The following BLOC1S3 variants were observed in gnomAD, a reference collection of about 807,000 sequenced individuals.
BLOC1S3 encodes the protein biogenesis of lysosome-related organelles complex 1 subunit 3.
A neutral mutation model predicts 9.1 loss-of-function variants in BLOC1S3; 7 were observed. The ratio of observed to expected loss-of-function variants is 0.77; its 90% CI spans 0.44 to 1.45. The LOEUF (loss-of-function observed/expected upper bound fraction) is 1.45. Ranked by LOEUF, BLOC1S3 falls within the 40% of genes most tolerant of loss-of-function variation. The probability of loss-of-function intolerance (pLI) is 0.01; values close to 1 mark genes in which losing one functional copy is unlikely to be tolerated. For missense variants in BLOC1S3, 307 were observed against 315.2 expected (o/e 0.97, Z 0.20); for synonymous variants, 145 against 158.4 (o/e 0.92, Z 0.64).
intron 3 of BLOC1S3, among the ~76,000 whole-genome samples, chr19:45,202,904 G>A (rs1213150978): frequency 2.0e-5 from 3 of 152,060 alleles, no homozygotes; most frequent in South Asian, 2.1e-4. Context: ...TCAAGGCAGC[G>A]GCTTCCCTTC....
At chr19:45,215,685 G>C (rs1045749835) in intron 3 of BLOC1S3, among the ~76,000 whole-genome samples, 2 of 152,156 alleles carry the variant, frequency 1.3e-5, no homozygotes, top group South Asian at 4.1e-4. Context: ...TACAAAGGAA[G>C]TGACCTGGCA....
Position 45,207,226 on chromosome 19 carries a change from G to A in BLOC1S3, n.282+4719G>A, listed in dbSNP as rs180701077. Among the ~76,000 whole-genome samples the A allele has an allele frequency of 2.6e-5, 4 of 151,306 alleles. 1 individual carries two copies. The highest frequency in any genetic ancestry group is 9.7e-5 in the African/African-American group (4 of 41,164). On this transcript the variant is annotated intron_variant and non_coding_transcript_variant, in intron 3 of 3. Transcript: ENST00000591569. ...CGGCTTAGTGCAATCTCTGCCTCCC[G>A]GGTTCAAGTGATTTTCCTGCCTCAG...
intron 2 of BLOC1S3, among the ~76,000 whole-genome samples, chr19:45,198,336 C>G (rs1038985617): frequency 1.3e-5 from 2 of 152,064 alleles, no homozygotes; most frequent in Non-Finnish European, 2.9e-5. Context: ...GTTGCCCAGG[C>G]TCTGGAGTGC....
At chr19:45,193,112 A>G (rs1057119188) in intron 2 of BLOC1S3, among the ~76,000 whole-genome samples, 4 of 143,988 alleles carry the variant, frequency 2.8e-5, no homozygotes, top group Admixed American at 7.0e-5. Context: ...AGCCTGGGCA[A>G]CAAGAGCAAA....
rs1412296796 is a variant in BLOC1S3, at chr19:45,207,579, A to AC, written n.282+5072_282+5073insC. Among the ~76,000 whole-genome samples, 993 of 149,020 alleles carry AC rather than the reference A, an allele frequency of 6.7e-3. 8 individuals are homozygous for AC. The highest frequency in any genetic ancestry group is 0.012 in the Non-Finnish European group (792 of 66,506). ...TCAAAAAAAAAAAAAAAAAAAAAAA[A>AC]AAAAAAACCTAGCTGGGCGTGGTAG... On this transcript the variant is annotated intron_variant and non_coding_transcript_variant, in intron 3 of 3. Coordinates refer to the BLOC1S3 transcript ENST00000591569.
At chr19:45,211,342 C>G (rs894876284) in intron 3 of BLOC1S3, among the ~76,000 whole-genome samples, 2 of 151,496 alleles carry the variant, frequency 1.3e-5, no homozygotes, top group Admixed American at 6.6e-5. Context: ...ACTAAAAATA[C>G]AAAAATTAGC....
chr19:45,200,553 T>C (rs930466133), intron 2 of BLOC1S3, among the ~76,000 whole-genome samples: 4 of 152,220 alleles, frequency 2.6e-5, no homozygotes, highest in Non-Finnish European at 5.9e-5. Flanking sequence ...CTGAATCCCT[T>C]CTCTGTGTTA....
At chr19:45,186,718 A>T (rs59678362), downstream of BLOC1S3, among the ~76,000 whole-genome samples, 25,997 of 151,750 alleles carry the variant, frequency 0.17, 2,607 homozygotes, top group African/African-American at 0.27. Context: ...AACAACAACA[A>T]AAAAAAAGTG....
chr19:45,210,358 G>T (rs1162252582), intron 3 of BLOC1S3, among the ~76,000 whole-genome samples: 1 of 142,986 alleles, frequency 7.0e-6, no homozygotes, highest in Non-Finnish European at 1.5e-5. Flanking sequence ...GGAGTGCAGG[G>T]GCACGATCTC....
intron 3 of BLOC1S3, among the ~76,000 whole-genome samples, chr19:45,203,667 T>A (rs1284064680): frequency 1.3e-5 from 2 of 152,130 alleles, no homozygotes; most frequent in Non-Finnish European, 2.9e-5. Flanking sequence ...TTTCCCTCTG[T>A]CTAATGATCA....
At chr19:45,204,064 T>G (rs1283503567) in intron 3 of BLOC1S3, among the ~76,000 whole-genome samples, 1 of 152,058 alleles carries the variant, frequency 6.6e-6, no homozygotes, top group African/African-American at 2.4e-5. Context: ...TGGAGTGCAG[T>G]GGCGCAATCT....
chr19:45,201,210 A>G (rs1969688500), intron 2 of BLOC1S3, among the ~76,000 whole-genome samples: 1 of 152,050 alleles, frequency 6.6e-6, no homozygotes, highest in Non-Finnish European at 1.5e-5. Context: ...CTCAAAAAAA[A>G]AAAAAAAAGG....
intron 2 of BLOC1S3, among the ~76,000 whole-genome samples, chr19:45,191,127 T>A (rs1474876970): frequency 2.0e-5 from 3 of 146,860 alleles, no homozygotes; most frequent in Non-Finnish European, 4.5e-5. Flanking sequence ...TATTTTATTT[T>A]TTTATTTTTT....
At chr19:45,187,594 T>C (rs1969574621) in intron 1 of BLOC1S3, 2 of 152,266 alleles carry the variant, frequency 1.3e-5, no homozygotes, top group Non-Finnish European at 2.9e-5. Context: ...CAGTGAACAA[T>C]GTGGCATGCT....
intron 2 of BLOC1S3, among the ~76,000 whole-genome samples, chr19:45,194,924 G>A (rs1969635524): frequency 6.7e-6 from 1 of 149,346 alleles, no homozygotes; most frequent in South Asian, 2.1e-4. Context: ...TCTGGTATGT[G>A]TGTTATACTT....
chr19:45,204,298 T>G (rs1969711997), intron 3 of BLOC1S3, among the ~76,000 whole-genome samples: 1 of 151,622 alleles, frequency 6.6e-6, no homozygotes, highest in South Asian at 2.1e-4. Context: ...CAAGCGATTC[T>G]CCTGCCTCAG....
chr19:45,189,422 GTCT>G (rs1245419724), intron 2 of BLOC1S3, among the ~76,000 whole-genome samples: 1 of 141,682 alleles, frequency 7.1e-6, no homozygotes, highest in Non-Finnish European at 1.5e-5. Flanking sequence ...ACTTGAGGTA[GTCT>G]TCTTTTTTTT....
intron 3 of BLOC1S3, among the ~76,000 whole-genome samples, chr19:45,207,555 CAAAAAAAAAAAA>C (rs58164218): frequency 6.2e-5 from 4 of 64,744 alleles, no homozygotes; most frequent in Admixed American, 3.3e-4. Context: ...GACTCTGTCT[CAAAAAAAAAAAA>C]AAAAAAAAAA....
Position 45,200,533 on chromosome 19 carries a change from C to T in BLOC1S3, n.181-1873C>T, listed in dbSNP as rs117051971. Among the ~76,000 whole-genome samples, 167 of 152,238 alleles carry T rather than the reference C, an allele frequency of 1.1e-3. 1 individual carries two copies. In the East Asian group the frequency reaches 0.022, roughly 20 times the overall value. ...TTTCAATCTGTTTGGTTAATTTATC[C>T]GATAGGATTCTGAATCCCTTCTCTG... On this transcript the variant is annotated intron_variant and non_coding_transcript_variant, in intron 2 of 3. Coordinates refer to the BLOC1S3 transcript ENST00000591569.
Sources: gnomAD v4.1 joint callset for allele counts (sites outside exome capture counted in the v4.1 genomes callset) on GRCh38, gnomAD v4.1.1 for gene constraint, MANE v1.5 for transcripts, NCBI Gene and HGNC (gene_info 2026-07-23, HGNC 2026-07-21) for gene names.